The following CALCOCO2 variants were observed in gnomAD, a reference collection of about 807,000 sequenced individuals.
CALCOCO2 encodes calcium binding and coiled-coil domain 2.
A neutral mutation model predicts 62.5 loss-of-function variants in CALCOCO2; 42 were observed. The ratio of observed to expected loss-of-function variants is 0.67; its 90% CI spans 0.53 to 0.87. The LOEUF (loss-of-function observed/expected upper bound fraction) is 0.87, where lower values mean the gene tolerates loss of function less well. CALCOCO2 is among the 40% of genes least tolerant of loss of function. The pLI, the probability that CALCOCO2 is intolerant of heterozygous loss-of-function variation, is 0.00. For missense variants in CALCOCO2, 456 were observed against 515.0 expected (o/e 0.89, Z 1.11); for synonymous variants, 167 against 173.0 (o/e 0.97, Z 0.27).
chr17:48,853,174 A>G (rs1438432981), intron 9 of CALCOCO2, 162 bp downstream of exon 9: 5 of 583,996 alleles, frequency 8.6e-6, no homozygotes, highest in African/African-American at 1.9e-5. Flanking sequence ...GCCATTTATA[A>G]AATGTTTAGA....
At chr17:48,848,550 C>T in intron 4 of CALCOCO2, 95 bp downstream of exon 4, 2 of 1,134,862 alleles carry the variant, frequency 1.8e-6, no homozygotes, top group South Asian at 1.4e-5. Context: ...TATTGAATAT[C>T]TAACGGGTAT....
At chr17:48,843,910 G>A (rs1469720013) in intron 2 of CALCOCO2, 1 of 152,214 alleles carries the variant, frequency 6.6e-6, no homozygotes. Flanking sequence ...TAGAGACAGA[G>A]TTTCGTTCTG....
At chr17:48,843,241 A>G (rs946586275) in intron 2 of CALCOCO2, among the ~76,000 whole-genome samples, 3 of 152,218 alleles carry the variant, frequency 2.0e-5, no homozygotes, top group East Asian at 1.9e-4. Context: ...CTTACTCTCT[A>G]TGTCCCCTTT....
intron 6 of CALCOCO2, 24 bp downstream of exon 6, chr17:48,851,201 G>A (rs748963499): frequency 1.1e-5 from 15 of 1,368,370 alleles, no homozygotes; most frequent in Non-Finnish European, 1.6e-5. Context: ...ATAATTCTGG[G>A]AGGGGAAGAG....
At chr17:48,841,922 C>T (rs371490739) in intron 2 of CALCOCO2, 35 bp downstream of exon 2, 6 of 1,475,622 alleles carry the variant, frequency 4.1e-6, no homozygotes, top group Middle Eastern at 3.5e-4. Context: ...TGATCAGGAA[C>T]TAGAGGTGAT....
chr17:48,851,618 A>G lies in CALCOCO2; in HGVS notation c.692A>G (p.Asp231Gly). ...AATGAGAAGATGGGAATCAGAGTGG[A>G]TCAGCTTCAGGTAGGTAATGCCATA... ...SENEKMGIRV[D>G]QLQAQLSTQE... is the part of the protein sequence containing the mutation. Residue 231 changes from aspartate (D) to glycine (G), a missense_variant, in exon 7 of 13, where the codon GAT (aspartate) becomes GGT (glycine). By Grantham distance (94) the Asp-to-Gly change is moderately conservative. Around this residue, in one of 3 missense-constraint regions of CALCOCO2, gnomAD observed 236 missense variants for 225.3 expected, o/e 1.05. Transcript: ENST00000258947. The G allele has an allele frequency of 6.3e-7, 1 of 1,590,084 alleles. No individual in the cohort carries two copies. Among genetic ancestry groups the G allele is most frequent in the Non-Finnish European group, 8.6e-7 (1 of 1,157,860 alleles).
At chr17:48,845,182 A>T (rs554319451) in intron 2 of CALCOCO2, among the ~76,000 whole-genome samples, 4 of 152,196 alleles carry the variant, frequency 2.6e-5, no homozygotes, top group African/African-American at 9.6e-5. Flanking sequence ...GGAATGCTTC[A>T]TACATTTCAG....
Position 48,860,318 on chromosome 17 carries a change from T to C in CALCOCO2, c.1013T>C (p.Leu338Ser), listed in dbSNP as rs756310270. 1.2e-6 allele frequency: 2 copies of C among 1,613,778 alleles called. No homozygotes were observed. The highest frequency in any genetic ancestry group is 8.5e-7 in the Non-Finnish European group (1 of 1,179,726). Reference protein sequence around the residue: ...KERLEGENDLLKRENSRLLSY... With the variant: ...KERLEGENDLSKRENSRLLSY... Reference sequence around the variant, plus strand: ...CTATAAATCCTCTATCCTTAGCTTTTGAAGAGGGAGAACAGCAGATTGCTC... The same window carrying C: ...CTATAAATCCTCTATCCTTAGCTTTCGAAGAGGGAGAACAGCAGATTGCTC... Residue 338 changes from leucine to serine, a missense_variant, in exon 11 of 13, where the codon TTG becomes TCG. By Grantham distance (145) the Leu-to-Ser change is moderately radical. This residue lies in a region of CALCOCO2 where 172 missense variants were observed against 210.3 expected (regional missense o/e 0.82). Transcript: ENST00000258947.
Position 48,862,939 on chromosome 17 carries a change from TG to T in CALCOCO2, c.1276del (p.Asp426ThrfsTer36). On this transcript the variant is annotated frameshift_variant, in exon 13 of 13. Coordinates refer to ENST00000258947, the MANE Select transcript of CALCOCO2 (RefSeq NM_005831.5). LOFTEE classifies it high-confidence loss of function. ...QPLCFNCPICDKIFPATEKQI... is the reference protein window; with the variant it reads ...QPLCFNCPICXKIFPATEKQI... ...CCCTTTGTTTCAATTGTCCAATTTG[TG>T]ACAAGATCTTCCCAGCTACAGAGAA... The T allele has an allele frequency of 6.2e-7, 1 of 1,613,816 alleles. No individual in the cohort carries two copies. The highest frequency in any genetic ancestry group is 1.3e-5 in the African/African-American group (1 of 75,038).
At chr17:48,846,458 C>G in intron 2 of CALCOCO2, 3 of 1,470,772 alleles carry the variant, frequency 2.0e-6, no homozygotes, top group Non-Finnish European at 2.8e-6. Flanking sequence ...TAAATGTTTC[C>G]AAGACAAATT....
At position 48,852,534 on chromosome 17, in the gene CALCOCO2, T is replaced by TG. The variant is rs762804232; in HGVS notation, c.733dup (p.Glu245GlyfsTer10). On this transcript the variant is annotated frameshift_variant, in exon 8 of 13. Coordinates refer to ENST00000258947, the MANE Select transcript of CALCOCO2 (RefSeq NM_005831.5). LOFTEE classifies it high-confidence loss of function. ...CAGCTGTCAACTCAAGAGAAAGAAA[T>TG]GGAGAAGCTTGTTCAGGGAGATCAA... 6.2e-7 allele frequency: 1 copy of TG among 1,613,474 alleles called. No homozygotes were observed. The highest frequency in any genetic ancestry group is 1.1e-5 in the South Asian group (1 of 91,040).
At chr17:48,839,644 C>G (rs35513298) in intron 1 of CALCOCO2, 2 of 142,390 alleles carry the variant, frequency 1.4e-5, no homozygotes, top group African/African-American at 5.3e-5. Context: ...CCACAGTGCC[C>G]GGCCTTTTTT....
At chr17:48,847,968 T>G (rs2040075010) in intron 2 of CALCOCO2, 96 bp from the exon 3 acceptor site, 2 of 705,786 alleles carry the variant, frequency 2.8e-6, no homozygotes, top group Non-Finnish European at 4.9e-6. Flanking sequence ...ATTTTCAATA[T>G]ATACAAATAA....
In CALCOCO2 at chr17:48,857,974, C is replaced by CAATAGAATAGAATAG. The variant is rs1555573799; in HGVS notation, c.1008+1845_1008+1859dup. On this transcript the variant is annotated intron_variant, in intron 10 of 12. Transcript: ENST00000258947. ...CCTGGCTGACAGAGCAAGACTACAT[C>CAATAGAATAGAATAG]AATAGAATAGAATAGAATAGAATAG... 5.7e-3 allele frequency among the ~76,000 whole-genome samples: 228 copies of CAATAGAATAGAATAG among 39,998 alleles called. 17 individuals are homozygous for CAATAGAATAGAATAG. The highest frequency in any genetic ancestry group is 0.019 in the Middle Eastern group (1 of 52). The allele number at this position is 39,998 out of a possible 152,430, so 26.2% of individuals were successfully genotyped here.
intron 1 of CALCOCO2, chr17:48,831,930 C>A (rs764937984): frequency 6.6e-6 from 1 of 152,194 alleles, no homozygotes; most frequent in Non-Finnish European, 1.5e-5. Flanking sequence ...CCAGATGGCT[C>A]AGTTTCCCAG....
intron 10 of CALCOCO2, among the ~76,000 whole-genome samples, chr17:48,856,902 G>T (rs1466902609): frequency 6.6e-6 from 1 of 151,530 alleles, no homozygotes; most frequent in Non-Finnish European, 1.5e-5. Context: ...GGGCTCAAGT[G>T]ATCGTCCTGC....
rs563239669 is a variant in CALCOCO2 at position 48,852,415 on chromosome 17, A to G, written c.703-91A>G. ...GGCAGTTGGGAGTTGCTAGGGAAAC[A>G]CATCTCTTTGTTATTGTACGTTAAA... On this transcript the variant is annotated intron_variant, in intron 7 of 12. Transcript: ENST00000258947. 1.3e-5 allele frequency: 15 copies of G among 1,159,362 alleles called. No individual in the cohort carries two copies. In the African/African-American group the frequency reaches 2.2e-4, roughly 17 times the overall value. The allele number at this position is 1,159,362 out of a possible 1,614,324, so 71.8% of individuals were successfully genotyped here. A position where few individuals can be genotyped will look rare whatever the true frequency, so the allele number is the denominator to read the frequency against.
intron 7 of CALCOCO2, 139 bp downstream of exon 7, chr17:48,851,767 T>A: frequency 1.6e-6 from 1 of 634,516 alleles, no homozygotes; most frequent in South Asian, 1.9e-5. Context: ...AAGTTTCAGG[T>A]TATGTATTTT....
chr17:48,841,839 C>T lies in CALCOCO2; in HGVS notation c.132C>T (p.Phe44=). The T allele has an allele frequency of 6.2e-7, 1 of 1,613,244 alleles. No individual in the cohort carries two copies. The highest frequency in any genetic ancestry group is 1.1e-5 in the South Asian group (1 of 90,960). ...PGGDVTCHYT[F]TQHFIPRRKD... ...GGGACGTCACATGTCATTATACCTT[C>T]ACCCAGCATTTCATCCCTCGTCGAA... Residue 44 remains phenylalanine (F), a synonymous_variant, in exon 2 of 13, where the codon TTC becomes TTT. Coordinates refer to ENST00000258947, the MANE Select transcript of CALCOCO2 (RefSeq NM_005831.5).
Sources: gnomAD v4.1 joint callset for allele counts (sites outside exome capture counted in the v4.1 genomes callset) on GRCh38, gnomAD v4.1.1 for gene constraint, gnomAD v4.1.1 regional missense constraint, MANE v1.5 for transcripts, NCBI Gene and HGNC (gene_info 2026-07-23, HGNC 2026-07-21) for gene names.